RFT1: variants seen among roughly 807,000 people sequenced by gnomAD.
RFT1 encodes the protein man(5)GlcNAc(2)-PP-dolichol translocation protein RFT1.
Under a neutral mutation model 62.2 loss-of-function variants are expected in RFT1, and 43 were observed. The observed-to-expected ratio is 0.69, with a 90% CI of 0.54 to 0.89. The LOEUF (loss-of-function observed/expected upper bound fraction) is 0.89, where lower values mean the gene tolerates loss of function less well. Among genes scored for constraint, RFT1 ranks in the 40% least tolerant of loss-of-function variants. The pLI is 0.00. For missense variants in RFT1, 605 were observed against 649.9 expected (o/e 0.93, Z 0.75); for synonymous variants, 262 against 264.6 (o/e 0.99, Z 0.10).
At chr3:53,084,657 C>A (rs1386452748), downstream of RFT1, among the ~76,000 whole-genome samples, 1 of 152,238 alleles carries the variant, frequency 6.6e-6, no homozygotes, top group Non-Finnish European at 1.5e-5. Flanking sequence ...AGGTGAGAGG[C>A]CGCTGGGAAG....
At chr3:53,067,790 G>A in the RFT1 span, among the ~76,000 whole-genome samples, 1 of 152,166 alleles carries the variant, frequency 6.6e-6, no homozygotes, top group East Asian at 1.9e-4. Flanking sequence ...CAGGCCCCTG[G>A]CTGAGAATTG....
Position 53,092,049 on chromosome 3 carries a change from C to T in RFT1, c.1480G>A (p.Gly494Ser), listed in dbSNP as rs756497073. 16 of 1,614,246 alleles carry T rather than the reference C, an allele frequency of 9.9e-6. No homozygotes were observed. The South Asian group carries it at 1.8e-4, about 18-fold the overall frequency. The stretch of plus-strand genomic sequence containing the variant: ...ATGTGTGCCAGTCTGGCTGGCCAGC[C>T]CTGCTCACAGCAGAGGAATACCTGG... ...VSEVFLCCEQ[G>S]WPARLAHIAV... The change falls in exon 13 of 13, where the codon GGC becomes AGC. Residue 494 changes from glycine (G) to serine (S), a missense_variant. Physicochemically the swap from Gly to Ser is moderately conservative, Grantham distance 56. Coordinates refer to ENST00000296292, the MANE Select transcript of RFT1 (RefSeq NM_052859.4).
At chr3:53,076,591 A>C in the RFT1 span, among the ~76,000 whole-genome samples, 1 of 152,168 alleles carries the variant, frequency 6.6e-6, no homozygotes, top group East Asian at 1.9e-4. Context: ...ATAGCATTTG[A>C]AGGATGGGGA....
intron 11 of RFT1, among the ~76,000 whole-genome samples, chr3:53,096,755 T>C (rs1185373992): frequency 6.6e-6 from 1 of 152,170 alleles, no homozygotes; most frequent in Non-Finnish European, 1.5e-5. Context: ...CTTCTCTCTA[T>C]ATATTTTTTG....
chr3:53,079,496 G>A, the RFT1 span, among the ~76,000 whole-genome samples: 1 of 152,214 alleles, frequency 6.6e-6, no homozygotes, highest in Non-Finnish European at 1.5e-5. Flanking sequence ...CACTTTGGGA[G>A]GCTGAGACGA....
chr3:53,083,020 A>G, the RFT1 span, among the ~76,000 whole-genome samples: 4 of 151,344 alleles, frequency 2.6e-5, no homozygotes, highest in Non-Finnish European at 5.9e-5. Flanking sequence ...AAATGGTGAA[A>G]CCCCATCTCT....
Position 53,088,484 on chromosome 3 carries a change from T to TTTG in RFT1, c.*3418_*3419insCAA, listed in dbSNP as rs1487814057. The TTTG allele has an allele frequency of 6.6e-6, 1 of 152,216 alleles. No individual in the cohort carries two copies. Among genetic ancestry groups the TTTG allele is most frequent in the African/African-American group, 2.4e-5 (1 of 41,462 alleles). The allele number at this position is 152,216 out of a possible 1,614,324, so 9.4% of individuals were successfully genotyped here. On this transcript the variant is annotated 3_prime_UTR_variant, in exon 13 of 13. Transcript: ENST00000296292. Reference sequence around the variant, plus strand: ...AAGGGGTATGAAAGAAGAAAGGTCTTTTCAAAAGTGTGAAGAAAATATTTT... The same window carrying TTTG: ...AAGGGGTATGAAAGAAGAAAGGTCTTTTGTTCAAAAGTGTGAAGAAAATATTTT...
intron 6 of RFT1, among the ~76,000 whole-genome samples, chr3:53,115,746 A>C (rs550164427): frequency 3.3e-5 from 5 of 152,320 alleles, no homozygotes. Context: ...AGCACAAAAG[A>C]AGCTTCCTCC....
chr3:53,083,434 G>A, the RFT1 span, among the ~76,000 whole-genome samples: 1 of 149,212 alleles, frequency 6.7e-6, no homozygotes, highest in South Asian at 2.1e-4. Context: ...GATTAAGGCT[G>A]CAGGGAGCTA....
intron 6 of RFT1, among the ~76,000 whole-genome samples, chr3:53,115,624 A>G (rs1035094140): frequency 2.0e-5 from 3 of 152,152 alleles, no homozygotes; most frequent in African/African-American, 7.2e-5. Context: ...TTCCAACACA[A>G]TGATGGGCAG....
At chr3:53,098,355 CAA>C (rs764587205) in intron 11 of RFT1, among the ~76,000 whole-genome samples, 25,796 of 152,016 alleles carry the variant, frequency 0.17, 3,259 homozygotes, top group African/African-American at 0.36. Flanking sequence ...GTGTAGCAAA[CAA>C]AGTCCCCAAT....
rs756769015 is a variant in RFT1, at chr3:53,092,424, G to A, written c.1403C>T (p.Ser468Leu). 15 of 1,609,960 alleles carry A rather than the reference G, an allele frequency of 9.3e-6. No homozygotes were observed. The highest frequency in any genetic ancestry group is 6.7e-5 in the East Asian group (3 of 44,756). ...GGCAAATGTCCCGAGCAGGACTGGCGATAGGTGCAGGCCAGCCAGGGGCCT... is the reference window on the plus strand; with the variant it reads ...GGCAAATGTCCCGAGCAGGACTGGCAATAGGTGCAGGCCAGCCAGGGGCCT... ...PHRPLAGLHL[S>L]PVLLGTFALS... Residue 468 changes from serine (S) to leucine (L), a missense_variant, in exon 12 of 13, where the codon TCG becomes TTG. Physicochemically the swap from Ser to Leu is moderately radical, Grantham distance 145. Transcript: ENST00000296292.
chr3:53,127,101 G>A (rs576197512), intron 1 of RFT1, among the ~76,000 whole-genome samples: 2 of 152,100 alleles, frequency 1.3e-5, no homozygotes, highest in Non-Finnish European at 2.9e-5. Context: ...TCTGATGACA[G>A]CTCTGTAGCT....
intron 1 of RFT1, among the ~76,000 whole-genome samples, chr3:53,126,503 A>T (rs546180500): frequency 2.0e-5 from 3 of 152,366 alleles, no homozygotes; most frequent in African/African-American, 7.2e-5. Context: ...AATGACATTT[A>T]TATCGTTCTG....
At chr3:53,124,172 C>T (rs1351677551) in intron 2 of RFT1, among the ~76,000 whole-genome samples, 1 of 152,196 alleles carries the variant, frequency 6.6e-6, no homozygotes, top group East Asian at 1.9e-4. Context: ...GATTATAACC[C>T]CACCCTTCTT....
chr3:53,083,019 A>T, the RFT1 span, among the ~76,000 whole-genome samples: 2 of 148,608 alleles, frequency 1.3e-5, no homozygotes, highest in Non-Finnish European at 3.0e-5. Flanking sequence ...AAAATGGTGA[A>T]ACCCCATCTC....
chr3:53,115,503 G>T lies in RFT1; in HGVS notation c.697-3595C>A, dbSNP rs140926322. Among the ~76,000 whole-genome samples, 930 of 152,220 alleles carry T rather than the reference G, an allele frequency of 6.1e-3. 7 individuals carry two copies. Among genetic ancestry groups the T allele is most frequent in the Non-Finnish European group, 8.5e-3 (580 of 68,014 alleles). On this transcript the variant is annotated intron_variant, in intron 6 of 12. Transcript: ENST00000296292. ...CTGAGGCCACTGCCACCTGACCCTAGCCTGGCAGCCAGGTTTACTTCCCTT... is the reference window on the plus strand; with the variant it reads ...CTGAGGCCACTGCCACCTGACCCTATCCTGGCAGCCAGGTTTACTTCCCTT...
At chr3:53,086,370 C>T (rs984227804), downstream of RFT1, among the ~76,000 whole-genome samples, 42 of 152,232 alleles carry the variant, frequency 2.8e-4, no homozygotes, top group African/African-American at 7.7e-4. Context: ...GGCTGGAGTG[C>T]AGTGGCGCGA....
intron 6 of RFT1, among the ~76,000 whole-genome samples, chr3:53,116,046 AG>A (rs1042605755): frequency 3.3e-5 from 5 of 152,262 alleles, no homozygotes; most frequent in African/African-American, 1.2e-4. Flanking sequence ...TATAAACGGA[AG>A]CCATTATTTG....
Sources: gnomAD v4.1 joint callset for allele counts (sites outside exome capture counted in the v4.1 genomes callset) on GRCh38, gnomAD v4.1.1 for gene constraint, MANE v1.5 for transcripts, NCBI Gene and HGNC (gene_info 2026-07-23, HGNC 2026-07-21) for gene names.